Variants in RASGRP3 observed in about 807,000 individuals in gnomAD.
RASGRP3 encodes the protein RAS guanyl releasing protein 3, also known as ras guanyl-releasing protein 3.
A neutral mutation model predicts 82.7 loss-of-function variants in RASGRP3; 54 were observed. That is an observed-to-expected ratio of 0.65 (90% CI 0.52 to 0.82). RASGRP3 has a LOEUF of 0.82. RASGRP3 is among the 40% of genes least tolerant of loss of function. The pLI is 0.00. For synonymous variants in RASGRP3, 309 were observed against 300.5 expected (o/e 1.03, Z -0.29); for missense variants, 861 against 828.9 (o/e 1.04, Z -0.48).
intron 2 of RASGRP3, among the ~76,000 whole-genome samples, chr2:33,512,390 A>T (rs1335991821): frequency 6.6e-6 from 1 of 152,208 alleles, no homozygotes; most frequent in African/African-American, 2.4e-5. Context: ...CTCTTCCGTG[A>T]GTAACAGGCT....
chr2:33,496,885 A>T (rs1387517870), intron 1 of RASGRP3, among the ~76,000 whole-genome samples: 1 of 152,150 alleles, frequency 6.6e-6, no homozygotes, highest in Non-Finnish European at 1.5e-5. Flanking sequence ...ACCAACAAAA[A>T]AAACAAACCC....
At chr2:33,475,092 A>G (rs1667279319), upstream of RASGRP3, among the ~76,000 whole-genome samples, 1 of 152,358 alleles carries the variant, frequency 6.6e-6, no homozygotes, top group South Asian at 2.1e-4. Context: ...TTCTGTTTCT[A>G]ATTGAAGATT....
intron 10 of RASGRP3, chr2:33,530,927 A>T (rs1673058858): frequency 6.6e-6 from 1 of 152,174 alleles, no homozygotes; most frequent in Non-Finnish European, 1.5e-5. Flanking sequence ...TTAAAAGCTG[A>T]TGTTTCTGTT....
chr2:33,484,743 A>AG (rs1668221927), intron 1 of RASGRP3, among the ~76,000 whole-genome samples: 1 of 152,230 alleles, frequency 6.6e-6, no homozygotes, highest in Non-Finnish European at 1.5e-5. Flanking sequence ...AGAGGTAGAC[A>AG]GATTAGCACT....
chr2:33,453,339 G>C (rs1225697654), intron 2 of RASGRP3, among the ~76,000 whole-genome samples: 1 of 152,162 alleles, frequency 6.6e-6, no homozygotes, highest in Non-Finnish European at 1.5e-5. Flanking sequence ...TTTAGTTCTT[G>C]AGAAGGTACA....
In RASGRP3 at chr2:33,479,297, T is replaced by C. The variant is rs1015006564; in HGVS notation, c.-261+2590T>C. On this transcript the variant is annotated intron_variant, in intron 1 of 17. Transcript: ENST00000403687. ...AAATAGTTCAGTGACGGTCTTGATG[T>C]TGGTAAGAACAGCAACCGGGAACTT... Among the ~76,000 whole-genome samples the C allele has an allele frequency of 1.1e-4, 17 of 152,300 alleles. No individual in the cohort carries two copies. The East Asian group carries it at 1.9e-3, about 17-fold the overall frequency.
Position 33,563,410 on chromosome 2 carries a change from A to C in RASGRP3, c.*673A>C, listed in dbSNP as rs895067725. The C allele has an allele frequency of 2.0e-5, 3 of 152,296 alleles. No homozygotes were observed. Among genetic ancestry groups the C allele is most frequent in the Admixed American group, 2.0e-4 (3 of 15,296 alleles). 9.4% of individuals were successfully genotyped at this position (152,296 alleles called of 1,614,324 possible). A position where few individuals can be genotyped will look rare whatever the true frequency, so the allele number is the denominator to read the frequency against. ...AACAAGTCACACATGTATATATCAC[A>C]CAAGTCTTACCAATTCTGCGTCACT... On this transcript the variant is annotated 3_prime_UTR_variant, in exon 18 of 18. Transcript: ENST00000403687.
intron 10 of RASGRP3, among the ~76,000 whole-genome samples, chr2:33,528,198 G>C (rs981719114): frequency 1.2e-4 from 19 of 152,156 alleles, no homozygotes; most frequent in African/African-American, 4.6e-4. Context: ...ATTTTTATCT[G>C]TTTATCTGCC....
chr2:33,547,708 C>G (rs1469114522), intron 13 of RASGRP3, among the ~76,000 whole-genome samples: 1 of 152,088 alleles, frequency 6.6e-6, no homozygotes, highest in African/African-American at 2.4e-5. Context: ...TGTGAGCAAA[C>G]TCTGGTGGGA....
chr2:33,547,319 C>T (rs973667218), intron 13 of RASGRP3, among the ~76,000 whole-genome samples: 10 of 130,980 alleles, frequency 7.6e-5, no homozygotes, highest in South Asian at 2.6e-4. Flanking sequence ...CAAATTTCCC[C>T]GCAAGCTTGA....
chr2:33,452,465 C>G (rs1432767364), intron 2 of RASGRP3, among the ~76,000 whole-genome samples: 1 of 152,272 alleles, frequency 6.6e-6, no homozygotes, highest in East Asian at 1.9e-4. Flanking sequence ...TGCCTTGGTG[C>G]CTGAGTCAGC....
upstream of RASGRP3, among the ~76,000 whole-genome samples, chr2:33,473,087 G>T (rs1489359418): frequency 6.6e-6 from 1 of 151,866 alleles, no homozygotes; most frequent in Non-Finnish European, 1.5e-5. Flanking sequence ...GTCTGGCTGG[G>T]GGCAGTGGCT....
At chr2:33,542,915 AT>A (rs1674406455) in intron 12 of RASGRP3, among the ~76,000 whole-genome samples, 1 of 152,156 alleles carries the variant, frequency 6.6e-6, no homozygotes, top group East Asian at 1.9e-4. Context: ...GTGGTCTTGA[AT>A]TCCTGACCTC....
intron 1 of RASGRP3, among the ~76,000 whole-genome samples, chr2:33,441,878 T>A (rs1055787620): frequency 2.0e-5 from 3 of 152,234 alleles, no homozygotes; most frequent in Non-Finnish European, 4.4e-5. Flanking sequence ...AGACTATTCA[T>A]AACAGATACA....
At chr2:33,546,422 CA>C (rs776842532) in intron 13 of RASGRP3, among the ~76,000 whole-genome samples, 6,400 of 79,460 alleles carry the variant, frequency 0.081, 156 homozygotes, top group Middle Eastern at 0.15. Flanking sequence ...GACTCCGTCT[CA>C]AAAAAAAAAA....
At chr2:33,463,851 C>T (rs781362734) in intron 2 of RASGRP3, among the ~76,000 whole-genome samples, 38 of 151,796 alleles carry the variant, frequency 2.5e-4, no homozygotes, top group Middle Eastern at 3.4e-3. Context: ...CCGCCTGCCT[C>T]GGCCTCCCGA....
At chr2:33,488,252 T>C (rs1280440586) in intron 1 of RASGRP3, among the ~76,000 whole-genome samples, 3 of 152,206 alleles carry the variant, frequency 2.0e-5, no homozygotes, top group African/African-American at 4.8e-5. Context: ...TAAGTGTTAA[T>C]TGAATTTGAA....
intron 1 of RASGRP3, among the ~76,000 whole-genome samples, chr2:33,480,586 T>C (rs1050795555): frequency 1.3e-5 from 2 of 152,216 alleles, no homozygotes; most frequent in Non-Finnish European, 2.9e-5. Context: ...GGAGCTGATT[T>C]GAAAGAAAAT....
At chr2:33,470,874 A>G (rs1482890885) in intron 2 of RASGRP3, among the ~76,000 whole-genome samples, 1 of 152,144 alleles carries the variant, frequency 6.6e-6, no homozygotes, top group Non-Finnish European at 1.5e-5. Flanking sequence ...AATGAATATT[A>G]CTCAATCTGC....
Sources: allele counts gnomAD v4.1 joint callset (sites outside exome capture counted in the v4.1 genomes callset), GRCh38; gene constraint gnomAD v4.1.1; transcripts MANE v1.5; gene names NCBI Gene and HGNC (gene_info 2026-07-23, HGNC 2026-07-21).